Variants in TENM2 observed in about 807,000 individuals in gnomAD.
TENM2 encodes the protein teneurin transmembrane protein 2.
Under a neutral mutation model 245.2 loss-of-function variants are expected in TENM2, and 52 were observed. The ratio of observed to expected loss-of-function variants is 0.21; its 90% CI spans 0.17 to 0.27. The LOEUF (loss-of-function observed/expected upper bound fraction) is 0.27, where lower values mean the gene tolerates loss of function less well. Among genes scored for constraint, TENM2 ranks in the 10% least tolerant of loss-of-function variants. The pLI is 1.00. For synonymous variants in TENM2, 1,363 were observed against 1,438.9 expected, an observed-to-expected ratio of 0.95 and a Z score of 1.19; for missense variants, 3,046 against 3,666.8, an observed-to-expected ratio of 0.83 and a Z score of 4.37.
intron 2 of TENM2, among the ~76,000 whole-genome samples, chr5:167,800,576 A>G (rs922706591): frequency 2.6e-5 from 4 of 152,174 alleles, no homozygotes; most frequent in African/African-American, 9.7e-5. Flanking sequence ...CAGTTATAAT[A>G]TGCTCATTAG....
chr5:167,949,450 TGA>T (rs1390081170), intron 3 of TENM2, among the ~76,000 whole-genome samples: 1 of 152,180 alleles, frequency 6.6e-6, no homozygotes, highest in African/African-American at 2.4e-5. Flanking sequence ...CTGGGGTCCC[TGA>T]GAGCTGCAGT....
rs1180114181 is a variant in TENM2 at position 168,254,481 on chromosome 5, GGAGGAA to G, written c.7433-5787_7433-5782del. On this transcript the variant is annotated intron_variant, in intron 27 of 28. Transcript: ENST00000518659. ...AAGAAGGGGAGGAAGAGGAAGAAGG[GGAGGAA>G]GAGGAAGAGGAAGAAGGGGAGGAAG... Among the ~76,000 whole-genome samples, 403 of 150,122 alleles carry G rather than the reference GGAGGAA, an allele frequency of 2.7e-3. 2 individuals carry two copies. Among genetic ancestry groups the G allele is most frequent in the Non-Finnish European group, 3.9e-3 (261 of 67,514 alleles).
At chr5:167,648,910 G>A (rs572768151) in intron 2 of TENM2, among the ~76,000 whole-genome samples, 4 of 152,262 alleles carry the variant, frequency 2.6e-5, no homozygotes, top group African/African-American at 7.2e-5. Flanking sequence ...GAAGGGCTCG[G>A]TCTGTGGCCC....
At chr5:167,375,623 T>A in intron 2 of TENM2, 150 bp downstream of exon 4, 1 of 772,990 alleles carries the variant, frequency 1.3e-6, no homozygotes, top group Non-Finnish European at 2.1e-6. Context: ...TGGGGGGAAG[T>A]AAACCAGCAA....
chr5:167,463,139 T>A (rs762183439), intron 2 of TENM2, among the ~76,000 whole-genome samples: 1 of 152,242 alleles, frequency 6.6e-6, no homozygotes, highest in Non-Finnish European at 1.5e-5. Flanking sequence ...TTATATTTCC[T>A]AGTTCAGTAT....
intron 2 of TENM2, among the ~76,000 whole-genome samples, chr5:167,786,031 A>G (rs1421735902): frequency 6.6e-6 from 1 of 152,152 alleles, no homozygotes; most frequent in Non-Finnish European, 1.5e-5. Flanking sequence ...TACAGAAGAA[A>G]CTCAAAACAT....
At chr5:167,247,552 C>A in the TENM2 span, among the ~76,000 whole-genome samples, 1 of 152,030 alleles carries the variant, frequency 6.6e-6, no homozygotes, top group African/African-American at 2.4e-5. Flanking sequence ...AAAATAGAAA[C>A]CCCAAAGCAA....
chr5:168,136,447 C>T (rs1361431165), intron 12 of TENM2, among the ~76,000 whole-genome samples: 3 of 152,332 alleles, frequency 2.0e-5, no homozygotes, highest in South Asian at 2.1e-4. Flanking sequence ...TCCTACAGCA[C>T]TGCCCCTACT....
intron 1 of TENM2, among the ~76,000 whole-genome samples, chr5:167,320,155 A>G (rs904901310): frequency 2.0e-5 from 3 of 152,220 alleles, no homozygotes; most frequent in East Asian, 1.9e-4. Context: ...TCCTCATTCT[A>G]TCTTAACAGA....
intron 2 of TENM2, among the ~76,000 whole-genome samples, chr5:167,471,240 C>T (rs1254454332): frequency 6.6e-6 from 1 of 152,066 alleles, no homozygotes; most frequent in Non-Finnish European, 1.5e-5. Flanking sequence ...TGAAGGGAGA[C>T]TAAGGTCCTT....
chr5:167,738,800 T>C (rs1760978489), intron 2 of TENM2, among the ~76,000 whole-genome samples: 1 of 152,158 alleles, frequency 6.6e-6, no homozygotes, highest in African/African-American at 2.4e-5. Flanking sequence ...CCCTGGTGTT[T>C]CTCTGTGTGT....
At chr5:167,757,544 A>G (rs926108665) in intron 2 of TENM2, among the ~76,000 whole-genome samples, 11 of 152,308 alleles carry the variant, frequency 7.2e-5, no homozygotes, top group Admixed American at 5.9e-4. Context: ...TAGTGCTGCA[A>G]TAAACATACG....
At chr5:167,236,272 C>T in the TENM2 span, among the ~76,000 whole-genome samples, 1 of 152,094 alleles carries the variant, frequency 6.6e-6, no homozygotes, top group Non-Finnish European at 1.5e-5. Context: ...TCATACATGT[C>T]TCTGTGTGTG....
rs1275688569 is a variant in TENM2 at position 167,445,330 on chromosome 5, T to TAGAGAGAG, written c.502+69858_502+69859insGAGAGAGA. Reference sequence around the variant, plus strand: ...ATATGATTATATATATATATATATATATATATAGAGAGAGAGAGAGAGAGA... The same window carrying TAGAGAGAG: ...ATATGATTATATATATATATATATATAGAGAGAGATATATAGAGAGAGAGAGAGAGAGA... On this transcript the variant is annotated intron_variant, in intron 2 of 28. Coordinates refer to ENST00000518659, the Ensembl canonical transcript of TENM2. Among the ~76,000 whole-genome samples the TAGAGAGAG allele has an allele frequency of 3.2e-3, 158 of 49,150 alleles. 1 individual carries two copies. Among genetic ancestry groups the TAGAGAGAG allele is most frequent in the African/African-American group, 8.1e-3 (62 of 7,632 alleles). 32.2% of individuals were successfully genotyped at this position (49,150 alleles called of 152,430 possible). A position where few individuals can be genotyped will look rare whatever the true frequency, so the allele number is the denominator to read the frequency against.
intron 2 of TENM2, among the ~76,000 whole-genome samples, chr5:167,427,571 GGAA>G (rs1410457569): frequency 5.0e-4 from 66 of 132,176 alleles, no homozygotes; most frequent in African/African-American, 2.0e-3. Flanking sequence ...AGGGAAGGAA[GGAA>G]GGACGGGAAG....
chr5:167,715,441 C>T (rs563553226), intron 2 of TENM2, among the ~76,000 whole-genome samples: 1 of 152,074 alleles, frequency 6.6e-6, no homozygotes, highest in African/African-American at 2.4e-5. Flanking sequence ...CATGACAACC[C>T]GTTAATCCAA....
At chr5:167,729,951 G>A (rs904630526) in intron 2 of TENM2, among the ~76,000 whole-genome samples, 1 of 152,132 alleles carries the variant, frequency 6.6e-6, no homozygotes, top group Non-Finnish European at 1.5e-5. Flanking sequence ...ACAGGATTTT[G>A]AGACTATAAA....
intron 3 of TENM2, among the ~76,000 whole-genome samples, chr5:167,881,412 T>C (rs1409152272): frequency 6.6e-6 from 1 of 152,222 alleles, no homozygotes; most frequent in Non-Finnish European, 1.5e-5. Context: ...TTCACTCCGT[T>C]CTTCAGGGAC....
At chr5:168,225,441 G>A (rs531751423) in intron 23 of TENM2, among the ~76,000 whole-genome samples, 2 of 152,300 alleles carry the variant, frequency 1.3e-5, no homozygotes, top group Admixed American at 1.3e-4. Context: ...ATATTGATTT[G>A]ATGGCTTTGT....
Sources: gnomAD v4.1 joint callset for allele counts (sites outside exome capture counted in the v4.1 genomes callset) on GRCh38, gnomAD v4.1.1 for gene constraint, MANE v1.5 for transcripts, NCBI Gene and HGNC (gene_info 2026-07-23, HGNC 2026-07-21) for gene names.